SLC16A7: variants seen among roughly 807,000 people sequenced by gnomAD.
SLC16A7 encodes the protein monocarboxylate transporter 2.
A neutral mutation model predicts 34.9 loss-of-function variants in SLC16A7; 33 were observed. That is an observed-to-expected ratio of 0.94 (90% CI 0.72 to 1.26). SLC16A7 has a LOEUF of 1.26. Ranked by LOEUF, SLC16A7 falls within the 50% of genes most tolerant of loss-of-function variation. The pLI, the probability that SLC16A7 is intolerant of heterozygous loss-of-function variation, is 0.00. For synonymous variants in SLC16A7, 201 were observed against 206.6 expected (o/e 0.97, Z 0.23); for missense variants, 573 against 578.1 (o/e 0.99, Z 0.09).
At chr12:59,637,597 A>G (rs1880490465) in intron 1 of SLC16A7, among the ~76,000 whole-genome samples, 2 of 152,126 alleles carry the variant, frequency 1.3e-5, no homozygotes, top group Admixed American at 6.6e-5. Context: ...TGAAAAAAGC[A>G]TGGCAAATTT....
chr12:59,675,987 T>C (rs1454844764), intron 2 of SLC16A7, among the ~76,000 whole-genome samples: 1 of 152,240 alleles, frequency 6.6e-6, no homozygotes, highest in South Asian at 2.1e-4. Flanking sequence ...TGTTCAAAAA[T>C]TAAATTTTTT....
At chr12:59,665,809 CGTGTGTGTGTGTGTGT>C (rs34983187) in intron 2 of SLC16A7, among the ~76,000 whole-genome samples, 1 of 142,986 alleles carries the variant, frequency 7.0e-6, no homozygotes. Context: ...ATATATAACA[CGTGTGTGTGTGTGTGT>C]GTGTGTGTGT....
chr12:59,720,689 T>G (rs1275521164), intron 3 of SLC16A7, among the ~76,000 whole-genome samples: 2 of 152,068 alleles, frequency 1.3e-5, no homozygotes, highest in African/African-American at 4.8e-5. Flanking sequence ...CCCTTAAACT[T>G]GTCATTATCA....
intron 2 of SLC16A7, among the ~76,000 whole-genome samples, chr12:59,702,531 A>T (rs570076370): frequency 5.3e-5 from 8 of 152,176 alleles, no homozygotes; most frequent in Admixed American, 5.2e-4. Flanking sequence ...AACTTATAGA[A>T]GTGGCTTTGC....
intron 1 of SLC16A7, among the ~76,000 whole-genome samples, chr12:59,641,326 G>T (rs1476930603): frequency 6.6e-6 from 1 of 151,998 alleles, no homozygotes; most frequent in Admixed American, 6.6e-5. Flanking sequence ...GACATTGTGT[G>T]TTCATTTGCT....
intron 1 of SLC16A7, among the ~76,000 whole-genome samples, chr12:59,621,191 A>G (rs773095445): frequency 2.8e-4 from 43 of 151,978 alleles, no homozygotes; most frequent in Middle Eastern, 6.8e-3. Context: ...GGGTTAACTC[A>G]TGACTGCTCC....
At position 59,784,376 on chromosome 12, in the gene SLC16A7, A is replaced by T. The variant is rs76391035; in HGVS notation, c.*4697A>T. The T allele has an allele frequency of 1.4e-3, 215 of 148,914 alleles. 1 individual carries two copies. The highest frequency in any genetic ancestry group is 6.9e-3 in the Middle Eastern group (2 of 290). The allele number at this position is 148,914 out of a possible 1,614,324, so 9.2% of individuals were successfully genotyped here. A position where few individuals can be genotyped will look rare whatever the true frequency, so the allele number is the denominator to read the frequency against. ...AATAGAGTGAGAATCTGTCTCTATT[A>T]AAAAAAAAATAAAATGTTCTTACTA... On this transcript the variant is annotated 3_prime_UTR_variant, in exon 6 of 6. Transcript: ENST00000547379.
At chr12:59,638,952 A>G (rs1029487066) in intron 1 of SLC16A7, among the ~76,000 whole-genome samples, 1 of 152,176 alleles carries the variant, frequency 6.6e-6, no homozygotes, top group Non-Finnish European at 1.5e-5. Flanking sequence ...TGAGTAATAC[A>G]TACATGAGCA....
intron 2 of SLC16A7, among the ~76,000 whole-genome samples, chr12:59,672,281 T>TGTATATATGCATATATAC (rs1869940188): frequency 4.2e-5 from 6 of 143,212 alleles, no homozygotes; most frequent in East Asian, 4.1e-4. Flanking sequence ...TATATATATG[T>TGTATATATGCATATATAC]GTATATATAT....
At chr12:59,605,676 A>G (rs1016022722) in intron 1 of SLC16A7, among the ~76,000 whole-genome samples, 2 of 152,326 alleles carry the variant, frequency 1.3e-5, no homozygotes, top group South Asian at 2.1e-4. Flanking sequence ...TATCAAATAT[A>G]TTCTCAAAGC....
chr12:59,779,740 TG>T lies in SLC16A7; in HGVS notation c.*62del, dbSNP rs1458179267. On this transcript the variant is annotated 3_prime_UTR_variant, in exon 6 of 6. Coordinates refer to ENST00000547379, the MANE Select transcript of SLC16A7 (RefSeq NM_001270623.2). ...TTATCTAGGAGTTTGTTTTTCATTT[TG>T]TTTTTTTAAAGTATTAGAAAAGGTT... The T allele has an allele frequency of 2.1e-6, 3 of 1,400,742 alleles. No homozygotes were observed. The highest frequency in any genetic ancestry group is 2.9e-6 in the Non-Finnish European group (3 of 1,034,722). The allele number at this position is 1,400,742 out of a possible 1,614,324, so 86.8% of individuals were successfully genotyped here.
chr12:59,715,092 C>T (rs1186374893), intron 3 of SLC16A7, among the ~76,000 whole-genome samples: 1 of 152,104 alleles, frequency 6.6e-6, no homozygotes, highest in East Asian at 1.9e-4. Flanking sequence ...ATTTTAAGAG[C>T]AAATGCATAA....
At chr12:59,746,928 G>A (rs1486586406) in intron 3 of SLC16A7, among the ~76,000 whole-genome samples, 1 of 152,168 alleles carries the variant, frequency 6.6e-6, no homozygotes, top group Non-Finnish European at 1.5e-5. Flanking sequence ...AAACTCTTGA[G>A]CTCAGGCAAT....
At chr12:59,687,271 T>A (rs1871236546) in intron 2 of SLC16A7, among the ~76,000 whole-genome samples, 1 of 151,918 alleles carries the variant, frequency 6.6e-6, no homozygotes, top group African/African-American at 2.4e-5. Flanking sequence ...CACCTACCCC[T>A]TTTCCTATTT....
At position 59,675,806 on chromosome 12, in the gene SLC16A7, T is replaced by C. The variant is rs1870262800; in HGVS notation, c.-31+20556T>C. On this transcript the variant is annotated intron_variant, in intron 2 of 5. Transcript: ENST00000547379. The stretch of plus-strand genomic sequence containing the variant: ...TAGAAAAAAAATGACCTGGATCAGA[T>C]GTCCTGATGTTATTTAGCACTTCCA... Among the ~76,000 whole-genome samples the C allele has an allele frequency of 1.3e-5, 2 of 152,182 alleles. 1 individual carries two copies. The highest frequency in any genetic ancestry group is 4.1e-4 in the South Asian group (2 of 4,826).
chr12:59,751,385 G>A (rs750806786), intron 3 of SLC16A7, among the ~76,000 whole-genome samples: 21 of 152,204 alleles, frequency 1.4e-4, no homozygotes, highest in African/African-American at 3.4e-4. Context: ...CTGGAAAATC[G>A]GGTCACTCCC....
chr12:59,761,175 A>G (rs1880974567), intron 3 of SLC16A7: 1 of 1,282,594 alleles, frequency 7.8e-7, no homozygotes, highest in South Asian at 1.2e-5. Context: ...GATTCAGTGC[A>G]GCTTTACTCA....
intron 3 of SLC16A7, among the ~76,000 whole-genome samples, chr12:59,726,973 A>G (rs1876326035): frequency 1.3e-5 from 2 of 152,044 alleles, no homozygotes; most frequent in South Asian, 4.1e-4. Context: ...CTAGATTACA[A>G]TAGTAATTAT....
intron 2 of SLC16A7, among the ~76,000 whole-genome samples, chr12:59,684,404 C>T (rs1168043606): frequency 1.3e-5 from 2 of 152,118 alleles, no homozygotes; most frequent in African/African-American, 4.8e-5. Context: ...AATCTCCTTC[C>T]TGCTGTTCCC....
Sources: allele counts gnomAD v4.1 joint callset (sites outside exome capture counted in the v4.1 genomes callset), GRCh38; gene constraint gnomAD v4.1.1; transcripts MANE v1.5; gene names NCBI Gene and HGNC (gene_info 2026-07-23, HGNC 2026-07-21).